ZNF420: variants seen among roughly 807,000 people sequenced by gnomAD.
ZNF420 encodes zinc finger protein 420, also known as ATM and p53-associated KZNF protein.
In ZNF420, 31 loss-of-function variants were observed where a neutral mutation model predicts 44.7. That is an observed-to-expected ratio of 0.69 (90% CI 0.52 to 0.94). ZNF420 has a LOEUF of 0.94. ZNF420 is among the 40% of genes least tolerant of loss of function. The pLI, the probability that ZNF420 is intolerant of heterozygous loss-of-function variation, is 0.00. For synonymous variants in ZNF420, 245 were observed against 267.4 expected (o/e 0.92, Z 0.82); for missense variants, 681 against 827.9 (o/e 0.82, Z 2.18).
chr19:37,092,220 G>A (rs2146545460), intron 4 of ZNF420: 1 of 152,160 alleles, frequency 6.6e-6, no homozygotes, highest in African/African-American at 2.4e-5. Flanking sequence ...GTCCCTAGAG[G>A]ACCCAAGTGG....
intron 1 of ZNF420, chr19:37,024,873 C>T (rs1473789082): frequency 1.3e-5 from 2 of 155,214 alleles, no homozygotes; most frequent in African/African-American, 2.4e-5. Flanking sequence ...TGAGCCACCA[C>T]ACCCTGCCGT....
At chr19:37,039,882 T>TTTTG (rs1486123833) in intron 1 of ZNF420, among the ~76,000 whole-genome samples, 1 of 151,910 alleles carries the variant, frequency 6.6e-6, no homozygotes, top group Non-Finnish European at 1.5e-5. Context: ...TGATTTGTTT[T>TTTTG]TTTGTTTGTT....
intron 1 of ZNF420, among the ~76,000 whole-genome samples, chr19:37,051,271 A>G (rs1819923255): frequency 6.6e-6 from 1 of 152,080 alleles, no homozygotes; most frequent in South Asian, 2.1e-4. Context: ...TTTTCTATTT[A>G]TTGGAATAGT....
chr19:37,102,826 AT>A (rs1394947645), intron 4 of ZNF420, among the ~76,000 whole-genome samples: 3 of 152,078 alleles, frequency 2.0e-5, no homozygotes, highest in African/African-American at 7.2e-5. Context: ...TAACTCCTCA[AT>A]TTATGGTTAC....
intron 4 of ZNF420, among the ~76,000 whole-genome samples, chr19:37,121,589 C>A (rs1470169801): frequency 6.6e-6 from 1 of 152,098 alleles, no homozygotes; most frequent in African/African-American, 2.4e-5. Context: ...TCTCAAACAC[C>A]AAAAGCAATG....
At chr19:37,126,266 A>G (rs1208862145) in intron 4 of ZNF420, among the ~76,000 whole-genome samples, 1 of 152,184 alleles carries the variant, frequency 6.6e-6, no homozygotes, top group Non-Finnish European at 1.5e-5. Flanking sequence ...AAGAATGAGG[A>G]AGAGTGTTTG....
chr19:37,125,281 A>G (rs1971285689), intron 4 of ZNF420, among the ~76,000 whole-genome samples: 2 of 152,376 alleles, frequency 1.3e-5, no homozygotes, highest in South Asian at 4.1e-4. Context: ...ACAAGTAAAT[A>G]AGAGAAGACA....
chr19:37,045,439 G>A (rs1446203599), intron 1 of ZNF420, among the ~76,000 whole-genome samples: 1 of 152,182 alleles, frequency 6.6e-6, no homozygotes, highest in Non-Finnish European at 1.5e-5. Context: ...TATGAAGGAT[G>A]GGGCAAAATT....
intron 1 of ZNF420, among the ~76,000 whole-genome samples, chr19:37,037,164 A>T (rs761029490): frequency 6.6e-6 from 1 of 152,142 alleles, no homozygotes; most frequent in Non-Finnish European, 1.5e-5. Context: ...TGCGCTTTGA[A>T]ATAAACCCAG....
chr19:37,072,944 G>C (rs1201657024), intron 1 of ZNF420, among the ~76,000 whole-genome samples: 4 of 152,150 alleles, frequency 2.6e-5, no homozygotes, highest in African/African-American at 9.7e-5. Flanking sequence ...TTACAAAATA[G>C]TATGTAGTAA....
In ZNF420 at chr19:37,054,503, C is replaced by T. The variant is rs923338534; in HGVS notation, c.-124-25842C>T. On this transcript the variant is annotated intron_variant, in intron 1 of 4. Transcript: ENST00000587029. ...TCCTATTCAGCCATCTTGGCTCCAC[C>T]GAACAAATTTTTATTGTATCTTTTA... 1.5e-4 allele frequency among the ~76,000 whole-genome samples: 23 copies of T among 152,174 alleles called. 1 individual carries two copies. The highest frequency in any genetic ancestry group is 1.1e-3 in the Admixed American group (17 of 15,280).
intron 4 of ZNF420, among the ~76,000 whole-genome samples, chr19:37,106,113 T>C (rs1423011990): frequency 6.6e-5 from 10 of 152,206 alleles, no homozygotes; most frequent in Admixed American, 2.6e-4. Context: ...TTGTAATGCT[T>C]CCAGTTTTTG....
At chr19:37,018,894 A>G (rs1014139197) in intron 1 of ZNF420, among the ~76,000 whole-genome samples, 102 of 152,324 alleles carry the variant, frequency 6.7e-4, no homozygotes, top group African/African-American at 2.4e-3. Flanking sequence ...AATGCCATAT[A>G]CAAAATTAGC....
Position 37,113,181 on chromosome 19 carries a change from G to A in ZNF420, c.137-13947G>A, listed in dbSNP as rs144099762. On this transcript the variant is annotated intron_variant, in intron 4 of 4. Coordinates refer to ENST00000337995, the MANE Select transcript of ZNF420 (RefSeq NM_144689.5). ...ATCAAATTTAGAATGACATTGACTAGCCCAATGTTTTCCTTTTTTACCTCT... is the reference window on the plus strand; with the variant it reads ...ATCAAATTTAGAATGACATTGACTAACCCAATGTTTTCCTTTTTTACCTCT... Among the ~76,000 whole-genome samples the A allele has an allele frequency of 6.6e-4, 100 of 152,254 alleles. 2 individuals carry two copies. In the East Asian group the frequency reaches 0.019, roughly 29 times the overall value.
At chr19:37,117,549 T>C (rs1334142205) in intron 4 of ZNF420, among the ~76,000 whole-genome samples, 1 of 152,106 alleles carries the variant, frequency 6.6e-6, no homozygotes, top group Non-Finnish European at 1.5e-5. Flanking sequence ...CTGGAAACTC[T>C]AAAAAGCAGA....
chr19:37,064,221 A>G (rs1267633991), intron 1 of ZNF420, among the ~76,000 whole-genome samples: 1 of 152,112 alleles, frequency 6.6e-6, no homozygotes, highest in African/African-American at 2.4e-5. Flanking sequence ...TTTCCTTTGT[A>G]ATTAGTAAAG....
intron 4 of ZNF420, chr19:37,091,890 G>C (rs1257131408): frequency 7.2e-6 from 1 of 139,432 alleles, no homozygotes; most frequent in Non-Finnish European, 1.5e-5. Flanking sequence ...TCACATCACT[G>C]TACTCCTCCA....
At chr19:37,008,073 C>A (rs757338472) in exon 1 of ZNF420, 12 of 262,264 alleles carry the variant, frequency 4.6e-5, no homozygotes, top group Non-Finnish European at 7.3e-5. Flanking sequence ...CCTGCCCGGA[C>A]GGTGTGCGGG....
intron 3 of ZNF420, 144 bp from the exon 4 acceptor site, chr19:37,090,851 C>T (rs1046555660): frequency 2.0e-5 from 14 of 694,176 alleles, no homozygotes; most frequent in African/African-American, 1.7e-4. Flanking sequence ...ACCTAGGAGG[C>T]GGAGGTTGCA....
Sources: gnomAD v4.1 joint callset for allele counts (sites outside exome capture counted in the v4.1 genomes callset) on GRCh38, gnomAD v4.1.1 for gene constraint, MANE v1.5 for transcripts, NCBI Gene and HGNC (gene_info 2026-07-23, HGNC 2026-07-21) for gene names.